The following ARB2A variants were observed in gnomAD, a reference collection of about 807,000 sequenced individuals.
The protein encoded by ARB2A is cotranscriptional regulator ARB2A.
At chr5:94,060,696 A>T in the ARB2A span, among the ~76,000 whole-genome samples, 2 of 152,212 alleles carry the variant, frequency 1.3e-5, no homozygotes, top group Non-Finnish European at 2.9e-5. Context: ...ATTCTAGACA[A>T]AGACAGTACA....
the ARB2A span, among the ~76,000 whole-genome samples, chr5:93,746,819 G>A: frequency 3.3e-5 from 5 of 152,206 alleles, no homozygotes; most frequent in South Asian, 4.1e-4. Context: ...AAGGCAGGAA[G>A]AGCAGTTGAG....
At chr5:93,895,855 A>T in the ARB2A span, among the ~76,000 whole-genome samples, 2 of 152,036 alleles carry the variant, frequency 1.3e-5, no homozygotes, top group Non-Finnish European at 2.9e-5. Flanking sequence ...TAAAATTTAA[A>T]ATACATAAAC....
the ARB2A span, among the ~76,000 whole-genome samples, chr5:93,888,007 C>T: frequency 1.3e-5 from 2 of 151,866 alleles, no homozygotes; most frequent in African/African-American, 4.8e-5. Flanking sequence ...TTGACAAACA[C>T]ACACCCTTGT....
At chr5:93,947,791 T>C in the ARB2A span, among the ~76,000 whole-genome samples, 1 of 150,666 alleles carries the variant, frequency 6.6e-6, no homozygotes, top group Non-Finnish European at 1.5e-5. Flanking sequence ...CTTGCGATAG[T>C]TTACTGAGAA....
chr5:93,708,510 C>T, the ARB2A span, among the ~76,000 whole-genome samples: 2 of 152,112 alleles, frequency 1.3e-5, no homozygotes, highest in Admixed American at 6.5e-5. Context: ...GATCATCATG[C>T]GTTAGATTCT....
At chr5:94,071,131 A>G in the ARB2A span, among the ~76,000 whole-genome samples, 1 of 152,120 alleles carries the variant, frequency 6.6e-6, no homozygotes, top group Non-Finnish European at 1.5e-5. Flanking sequence ...CCAACCCTGG[A>G]AACAACACAA....
At chr5:93,643,043 AGG>A in the ARB2A span, among the ~76,000 whole-genome samples, 1 of 152,316 alleles carries the variant, frequency 6.6e-6, no homozygotes, top group South Asian at 2.1e-4. Flanking sequence ...GGCTTGCTCA[AGG>A]GGTAAAATCA....
chr5:94,028,890 G>A, the ARB2A span, among the ~76,000 whole-genome samples: 2 of 151,956 alleles, frequency 1.3e-5, no homozygotes, highest in Admixed American at 6.6e-5. Flanking sequence ...TCTCCCTTAA[G>A]AAACTTAATT....
At chr5:93,627,527 C>A in the ARB2A span, among the ~76,000 whole-genome samples, 5 of 150,954 alleles carry the variant, frequency 3.3e-5, no homozygotes, top group Non-Finnish European at 7.4e-5. Flanking sequence ...TCACTGCAAC[C>A]TCCACCTCCC....
the ARB2A span, among the ~76,000 whole-genome samples, chr5:93,829,928 T>C: frequency 3.8e-3 from 580 of 152,320 alleles, 3 homozygotes; most frequent in Non-Finnish European, 6.0e-3. Context: ...TCTGCTTTGA[T>C]AGTTACACAA....
At chr5:94,004,124 C>T in the ARB2A span, among the ~76,000 whole-genome samples, 1 of 152,146 alleles carries the variant, frequency 6.6e-6, no homozygotes, top group South Asian at 2.1e-4. Context: ...GCTGGAGCAA[C>T]TGGACAGCCA....
chr5:93,933,740 G>A, the ARB2A span, among the ~76,000 whole-genome samples: 1,738 of 152,144 alleles, frequency 0.011, 36 homozygotes, highest in African/African-American at 0.04. Flanking sequence ...ACCATGGCAT[G>A]TGTATACCTA....
the ARB2A span, chr5:93,741,028 T>C: frequency 2.3e-5 from 37 of 1,613,840 alleles, no homozygotes; most frequent in Non-Finnish European, 2.9e-5. Context: ...TGGTCGCAGC[T>C]TCCACATGTT....
the ARB2A span, among the ~76,000 whole-genome samples, chr5:93,983,173 GTGTGTGTGT>G: frequency 4.3e-3 from 3 of 704 alleles, no homozygotes; most frequent in Admixed American, 0.05. Context: ...GTGGAGAGGT[GTGTGTGTGT>G]GTGTGTGTGT....
chr5:93,765,763 C>T, the ARB2A span, among the ~76,000 whole-genome samples: 1 of 152,152 alleles, frequency 6.6e-6, no homozygotes, highest in African/African-American at 2.4e-5. Flanking sequence ...AAGCTGGAGA[C>T]ATCACACTAC....
At chr5:93,660,691 G>C in the ARB2A span, among the ~76,000 whole-genome samples, 1 of 152,040 alleles carries the variant, frequency 6.6e-6, no homozygotes, top group Non-Finnish European at 1.5e-5. Flanking sequence ...TAGAGAAAGA[G>C]GTATGAAAAG....
the ARB2A span, among the ~76,000 whole-genome samples, chr5:93,715,225 CAG>C: frequency 6.6e-6 from 1 of 152,042 alleles, no homozygotes; most frequent in African/African-American, 2.4e-5. Context: ...GGACAGCAAA[CAG>C]GAAAAAGTAG....
chr5:93,932,263 T>A, the ARB2A span, among the ~76,000 whole-genome samples: 1 of 152,150 alleles, frequency 6.6e-6, no homozygotes, highest in Non-Finnish European at 1.5e-5. Context: ...AACCTACTAC[T>A]AAAAAACATT....
the ARB2A span, among the ~76,000 whole-genome samples, chr5:93,880,423 T>C: frequency 6.6e-6 from 1 of 151,744 alleles, no homozygotes; most frequent in Non-Finnish European, 1.5e-5. Context: ...TAAAAGGTAG[T>C]ATGAAACATT....
Sources: allele counts gnomAD v4.1 joint callset (sites outside exome capture counted in the v4.1 genomes callset), GRCh38; gene constraint gnomAD v4.1.1; transcripts MANE v1.5; gene names NCBI Gene and HGNC (gene_info 2026-07-23, HGNC 2026-07-21).